The following ALG13 variants were observed in gnomAD, a reference collection of about 807,000 sequenced individuals.
The protein encoded by ALG13 is ALG13 UDP-N-acetylglucosaminyltransferase subunit.
A neutral mutation model predicts 87.8 loss-of-function variants in ALG13; 11 were observed. That is an observed-to-expected ratio of 0.13 (90% CI 0.08 to 0.21). The LOEUF (loss-of-function observed/expected upper bound fraction) is 0.21. Ranked by LOEUF, ALG13 falls within the 10% of genes least tolerant of loss-of-function variation. The pLI, the probability that ALG13 is intolerant of heterozygous loss-of-function variation, is 1.00. For synonymous variants in ALG13, 320 were observed against 306.3 expected (o/e 1.04, Z -0.47); for missense variants, 756 against 866.1 (o/e 0.87, Z 1.60).
chrX:111,683,875 C>A (rs1934236287), intron 2 of ALG13, among the ~76,000 whole-genome samples: 1 of 111,497 alleles, frequency 9.0e-6, no homozygotes, highest in Non-Finnish European at 1.9e-5. Flanking sequence ...ATTATTGATG[C>A]CTGTCTGTCT....
chrX:111,736,046 G>A (rs745937861), intron 22 of ALG13, among the ~76,000 whole-genome samples: 2 of 111,675 alleles, frequency 1.8e-5, no homozygotes, highest in Non-Finnish European at 3.8e-5. Flanking sequence ...GCTCATGCCT[G>A]TAATCCCAAC....
intron 24 of ALG13, among the ~76,000 whole-genome samples, chrX:111,748,237 G>A (rs1944413066): frequency 8.9e-6 from 1 of 111,818 alleles, no homozygotes; most frequent in African/African-American, 3.2e-5. Flanking sequence ...CAAGTCTGTG[G>A]CTTGTCTTTT....
chrX:111,746,241 A>G (rs189734713), intron 24 of ALG13, among the ~76,000 whole-genome samples: 2 of 112,102 alleles, frequency 1.8e-5, no homozygotes, highest in African/African-American at 6.5e-5. Context: ...TAACATATGC[A>G]TGCATGCACT....
chrX:111,705,710 CTTTT>C (rs1422954377), intron 3 of ALG13, among the ~76,000 whole-genome samples: 1 of 111,628 alleles, frequency 9.0e-6, no homozygotes, highest in African/African-American at 3.3e-5. Flanking sequence ...AAAATGCTAT[CTTTT>C]TTCTATTCAA....
In ALG13 at chrX:111,708,154, A is replaced by G. The variant is rs750037026; in HGVS notation, c.511A>G (p.Lys171Glu). 18 of 1,211,488 alleles carry G rather than the reference A, an allele frequency of 1.5e-5. No homozygotes were observed. The South Asian group carries it at 3.2e-4, about 21-fold the overall frequency. ...TGGGCTGCTTTCCGGATACCTGCAT[A>G]AGCAAGCCCTTGTTACTGCTACCCA... ...DFGLLSGYLH[K>E]QALVTATHPT... Residue 171 changes from lysine to glutamate, a missense_variant, in exon 4 of 27, where the codon AAG becomes GAG. Physicochemically the swap from Lys to Glu is moderately conservative, Grantham distance 56 (BLOSUM62 1). Transcript: ENST00000394780.
intron 23 of ALG13, among the ~76,000 whole-genome samples, chrX:111,742,493 TA>T (rs1334040524): frequency 1.8e-5 from 2 of 111,604 alleles, no homozygotes; most frequent in Admixed American, 9.5e-5. Flanking sequence ...TCATCATTTT[TA>T]AAAATAAAGA....
chrX:111,695,017 T>A (rs1417512387), intron 3 of ALG13, among the ~76,000 whole-genome samples: 2 of 112,369 alleles, frequency 1.8e-5, no homozygotes, highest in Non-Finnish European at 3.8e-5. Context: ...TCACAGAATA[T>A]AGTCCTAAAT....
chrX:111,709,448 C>G (rs1939347280), intron 5 of ALG13, among the ~76,000 whole-genome samples: 1 of 112,041 alleles, frequency 8.9e-6, no homozygotes, highest in Admixed American at 9.4e-5. Context: ...GGAACCCCCT[C>G]TATTTTCTTG....
chrX:111,744,015 A>G (rs1943995158), intron 23 of ALG13, among the ~76,000 whole-genome samples: 1 of 111,879 alleles, frequency 8.9e-6, no homozygotes, highest in South Asian at 3.7e-4. Flanking sequence ...GAGGATTAAT[A>G]TTTAAATATA....
chrX:111,720,713 A>G (rs1368792041), intron 11 of ALG13, among the ~76,000 whole-genome samples: 2 of 111,829 alleles, frequency 1.8e-5, no homozygotes, highest in African/African-American at 6.5e-5. Context: ...CTAGGAAAGC[A>G]GAAGAAAAAT....
chrX:111,760,074 TG>T lies in ALG13; in HGVS notation c.*77del, dbSNP rs1358079896. On this transcript the variant is annotated 3_prime_UTR_variant, in exon 27 of 27. Transcript: ENST00000394780. Reference sequence around the variant, plus strand: ...GTTTTTAAAAAGTATTTTATGTTAGTGGTTAAATGATTTAGGTGATTAGTGT... The same window carrying T: ...GTTTTTAAAAAGTATTTTATGTTAGTGTTAAATGATTTAGGTGATTAGTGT... 9.8e-7 allele frequency: 1 copy of T among 1,015,235 alleles called. No homozygotes were observed. Among genetic ancestry groups the T allele is most frequent in the African/African-American group, 1.9e-5 (1 of 52,426 alleles). 83.7% of individuals were successfully genotyped at this position (1,015,235 alleles called of 1,213,427 possible).
At chrX:111,728,850 T>C (rs991733132) in intron 19 of ALG13, among the ~76,000 whole-genome samples, 1 of 111,555 alleles carries the variant, frequency 9.0e-6, no homozygotes, top group Non-Finnish European at 1.9e-5. Flanking sequence ...GTCCCTATTT[T>C]ACATATGAGG....
In ALG13 at chrX:111,708,054, G is replaced by GT; in HGVS notation, c.412dup (p.Ser138PhefsTer34). The GT allele has an allele frequency of 2.1e-5, 25 of 1,210,194 alleles. No homozygotes were observed. The highest frequency in any genetic ancestry group is 2.8e-5 in the Non-Finnish European group (25 of 894,772). On this transcript the variant is annotated frameshift_variant, in exon 4 of 27. Transcript: ENST00000394780. LOFTEE classifies it high-confidence loss of function. ...TCCTGACTTGTCCTGGGCAAGCCAAGTCCATTGCTTCTGCTCCTGGGAAGT... is the reference window on the plus strand; with the variant it reads ...TCCTGACTTGTCCTGGGCAAGCCAAGTTCCATTGCTTCTGCTCCTGGGAAGT...
At position 111,759,846 on chromosome X, in the gene ALG13, G is replaced by A. The variant is rs775320246; in HGVS notation, c.3261G>A (p.Pro1087=). Residue 1087 remains proline (P), a synonymous_variant, in exon 27 of 27, where the codon CCG becomes CCA. Coordinates refer to ENST00000394780, the MANE Select transcript of ALG13 (RefSeq NM_001099922.3). ...TGCCAGGTTTTGACTCCTGCCTTCC[G>A]GTTGTGCCAGATTATTCCTGTGTTC... ...PPLPGFDSCL[P]VVPDYSCVPP... The A allele has an allele frequency of 3.1e-5, 37 of 1,208,793 alleles. No individual in the cohort carries two copies. The highest frequency in any genetic ancestry group is 4.0e-5 in the Non-Finnish European group (36 of 894,910).
intron 24 of ALG13, among the ~76,000 whole-genome samples, chrX:111,745,779 C>T (rs932818879): frequency 9.0e-6 from 1 of 111,062 alleles, no homozygotes; most frequent in Non-Finnish European, 1.9e-5. Flanking sequence ...AAAACATTGA[C>T]TTTTCTCCTT....
In ALG13 at chrX:111,689,808, T is replaced by C. The variant is rs766788353; in HGVS notation, c.383+4705T>C. 1,324 of 751,927 alleles carry C rather than the reference T, an allele frequency of 1.8e-3. 1 individual carries two copies. Among genetic ancestry groups the C allele is most frequent in the Non-Finnish European group, 2.0e-3 (1,270 of 638,355 alleles). The allele number at this position is 751,927 out of a possible 1,213,427, so 62.0% of individuals were successfully genotyped here. On this transcript the variant is annotated intron_variant, in intron 3 of 26. Transcript: ENST00000394780. ...ATGTTGTAAGCTTTTTGTTTCTTTATAGTTGTTTGCCTAGTGTTCATTTTA... is the reference window on the plus strand; with the variant it reads ...ATGTTGTAAGCTTTTTGTTTCTTTACAGTTGTTTGCCTAGTGTTCATTTTA...
chrX:111,729,916 A>G (rs1942486863), intron 19 of ALG13, among the ~76,000 whole-genome samples: 1 of 112,400 alleles, frequency 8.9e-6, no homozygotes. Context: ...TAGTATGTGT[A>G]AAGCACTATG....
At chrX:111,722,645 A>T in intron 12 of ALG13, 148 bp from the exon 13 acceptor site, 1 of 427,413 alleles carries the variant, frequency 2.3e-6, no homozygotes, top group Non-Finnish European at 4.1e-6. Flanking sequence ...ATCCAGAATG[A>T]TAGAATCGCC....
chrX:111,755,339 C>T (rs901260286), intron 25 of ALG13, among the ~76,000 whole-genome samples: 4 of 111,969 alleles, frequency 3.6e-5, no homozygotes, highest in Non-Finnish European at 1.9e-5. Flanking sequence ...AGAAGAAAAC[C>T]TAGGCATTAC....
Sources: allele counts gnomAD v4.1 joint callset (sites outside exome capture counted in the v4.1 genomes callset), GRCh38; gene constraint gnomAD v4.1.1; transcripts MANE v1.5; gene names NCBI Gene and HGNC (gene_info 2026-07-23, HGNC 2026-07-21).